Variants in GSS observed in about 807,000 individuals in gnomAD.
GSS encodes the protein GSH synthetase.
Under a neutral mutation model 60.4 loss-of-function variants are expected in GSS, and 34 were observed. That is an observed-to-expected ratio of 0.56 (90% CI 0.43 to 0.75). The LOEUF (loss-of-function observed/expected upper bound fraction) is 0.75, where lower values mean the gene tolerates loss of function less well. Among genes scored for constraint, GSS ranks in the 30% least tolerant of loss-of-function variants. GSS has a pLI of 0.00. For missense variants in GSS, 499 were observed against 595.1 expected (o/e 0.84, Z 1.68); for synonymous variants, 224 against 239.0 (o/e 0.94, Z 0.58).
chr20:34,942,373 G>T, intron 5 of GSS, 115 bp downstream of exon 5: 1 of 983,650 alleles, frequency 1.0e-6, no homozygotes, highest in Non-Finnish European at 1.5e-6. Context: ...GGCAACATGT[G>T]ACCCGGGGCC....
In GSS at chr20:34,946,109, G is replaced by A; in HGVS notation, c.130-11C>T. 1 of 1,605,864 alleles carries A rather than the reference G, an allele frequency of 6.2e-7. No homozygotes were observed. Among genetic ancestry groups the A allele is most frequent in the Non-Finnish European group, 8.5e-7 (1 of 1,173,484 alleles). Reference sequence around the variant, plus strand: ...GGCATAGCTCACCACCTGTGATCAAGAAGAGAGAATGGGACAGGGGTAGGG... The same window carrying A: ...GGCATAGCTCACCACCTGTGATCAAAAAGAGAGAATGGGACAGGGGTAGGG... On this transcript the variant is annotated splice_polypyrimidine_tract_variant and intron_variant, in intron 2 of 12. Transcript: ENST00000651619.
At chr20:34,943,109 G>A in intron 3 of GSS, 103 bp from the exon 4 acceptor site, 2 of 788,624 alleles carry the variant, frequency 2.5e-6, no homozygotes, top group East Asian at 5.3e-5. Context: ...TGAGTCTACT[G>A]GCCAAAACTT....
chr20:34,930,709 G>A (rs1245946387), intron 11 of GSS, among the ~76,000 whole-genome samples: 2 of 152,084 alleles, frequency 1.3e-5, no homozygotes, highest in Non-Finnish European at 2.9e-5. Context: ...ACTCCCTAAT[G>A]GCTTCCCACT....
intron 2 of GSS, 134 bp downstream of exon 2, chr20:34,951,590 A>C: frequency 1.1e-4 from 105 of 952,892 alleles, no homozygotes; most frequent in Middle Eastern, 3.2e-4. Flanking sequence ...TTCTACTTCT[A>C]GAGATCAATT....
intron 6 of GSS, among the ~76,000 whole-genome samples, chr20:34,940,017 A>G (rs1299544247): frequency 1.3e-5 from 2 of 152,160 alleles, no homozygotes; most frequent in Non-Finnish European, 2.9e-5. Context: ...CAGATTTTTA[A>G]AAACATTTTT....
intron 6 of GSS, 104 bp from the exon 7 acceptor site, chr20:34,937,127 A>G: frequency 1.3e-6 from 1 of 777,810 alleles, no homozygotes; most frequent in Non-Finnish European, 2.2e-6. Flanking sequence ...TAAGAATAAG[A>G]ACACCGCTTC....
intron 6 of GSS, among the ~76,000 whole-genome samples, chr20:34,938,008 C>A (rs368160858): frequency 6.6e-6 from 1 of 152,162 alleles, no homozygotes; most frequent in African/African-American, 2.4e-5. Flanking sequence ...CAGGTGTGCA[C>A]CACCCCCGCC....
chr20:34,951,916 A>C, intron 1 of GSS, 56 bp from the exon 2 acceptor site: 2 of 1,600,576 alleles, frequency 1.2e-6, no homozygotes, highest in Non-Finnish European at 8.5e-7. Flanking sequence ...CCCAGCAACC[A>C]CCGAAACTGG....
At chr20:34,946,981 G>A (rs1454229635) in intron 2 of GSS, among the ~76,000 whole-genome samples, 2 of 152,166 alleles carry the variant, frequency 1.3e-5, no homozygotes, top group Non-Finnish European at 2.9e-5. Context: ...CTTGTGACTT[G>A]TATTATAAAG....
In GSS at chr20:34,942,585, G is replaced by C; in HGVS notation, c.394C>G (p.Arg132Gly). Residue 132 changes from arginine to glycine, a missense_variant, in exon 5 of 13, where the codon CGC becomes GGC. Transcript: ENST00000651619. ...GLNRSDYMFQ[R>G]SADGSPALKQ... is the part of the protein sequence containing the mutation. The stretch of plus-strand genomic sequence containing the variant: ...AGGGCTGGGGAGCCATCTGCGCTGC[G>C]CTGGAACATGTAGTCTGAGCGATTC... 6.2e-7 allele frequency: 1 copy of C among 1,613,914 alleles called. No individual in the cohort carries two copies. Among genetic ancestry groups the C allele is most frequent in the Non-Finnish European group, 8.5e-7 (1 of 1,179,812 alleles).
chr20:34,937,880 C>T (rs765972280), intron 6 of GSS, among the ~76,000 whole-genome samples: 8 of 152,026 alleles, frequency 5.3e-5, no homozygotes, highest in Non-Finnish European at 1.0e-4. Flanking sequence ...TTTTTTGAGA[C>T]GGAGTCTCCC....
At chr20:34,934,703 G>A (rs2147124215) in intron 9 of GSS, among the ~76,000 whole-genome samples, 1 of 152,240 alleles carries the variant, frequency 6.6e-6, no homozygotes, top group East Asian at 1.9e-4. Flanking sequence ...TCCTCATGTG[G>A]AGCTCAACCC....
chr20:34,953,755 A>T (rs2081587793), intron 1 of GSS, among the ~76,000 whole-genome samples: 1 of 151,732 alleles, frequency 6.6e-6, no homozygotes, highest in African/African-American at 2.4e-5. Context: ...AGCTGGGACT[A>T]CAGGCACCTG....
chr20:34,943,747 A>G (rs1306852148), intron 3 of GSS, among the ~76,000 whole-genome samples: 2 of 152,134 alleles, frequency 1.3e-5, no homozygotes, highest in Non-Finnish European at 2.9e-5. Context: ...TCTTTGTGTG[A>G]TGATTAGTGT....
intron 6 of GSS, 83 bp from the exon 7 acceptor site, chr20:34,937,106 A>C: frequency 1.1e-6 from 1 of 888,300 alleles, no homozygotes; most frequent in Non-Finnish European, 1.9e-6. Context: ...ATACCGCCCC[A>C]CCTCCTGGAA....
intron 2 of GSS, chr20:34,946,561 C>T (rs2081524697): frequency 6.5e-6 from 1 of 154,308 alleles, no homozygotes; most frequent in Non-Finnish European, 1.4e-5. Context: ...AAATTATATT[C>T]AGCTAGTAAC....
At chr20:34,947,948 T>A (rs1003398548) in intron 2 of GSS, among the ~76,000 whole-genome samples, 5 of 110,708 alleles carry the variant, frequency 4.5e-5, no homozygotes, top group Admixed American at 1.8e-4. Flanking sequence ...CTTCTCAGCA[T>A]CTTTTTTTTT....
chr20:34,947,448 A>T (rs34053903), intron 2 of GSS, among the ~76,000 whole-genome samples: 3 of 152,232 alleles, frequency 2.0e-5, no homozygotes, highest in Non-Finnish European at 2.9e-5. Flanking sequence ...CAAAAGAGAC[A>T]TAAGAATATA....
In GSS at chr20:34,931,987, A is replaced by G. The variant is rs761196398; in HGVS notation, c.981T>C (p.Ala327=). ...CAAAGGTGGCGCGGAGGCGGGCCAC[A>G]GCCTCAGGCTGGCCAGGGAGCAACA... The part of the protein sequence containing the change: ...LEMLLPGQPE[A]VARLRATFAG... The change falls in exon 10 of 13, where the codon GCT becomes GCC. Residue 327 remains alanine, a synonymous_variant. Coordinates refer to ENST00000651619, the MANE Select transcript of GSS (RefSeq NM_000178.4). 3.7e-6 allele frequency: 6 copies of G among 1,614,100 alleles called. 1 individual carries two copies. Among genetic ancestry groups the G allele is most frequent in the East Asian group, 2.2e-5 (1 of 44,894 alleles).
Sources: gnomAD v4.1 joint callset for allele counts (sites outside exome capture counted in the v4.1 genomes callset) on GRCh38, gnomAD v4.1.1 for gene constraint, MANE v1.5 for transcripts, NCBI Gene and HGNC (gene_info 2026-07-23, HGNC 2026-07-21) for gene names.